The following TRIM5 variants were observed in gnomAD, a reference collection of about 807,000 sequenced individuals.
TRIM5 encodes the protein tripartite motif-containing protein 5.
TRIM5 carries 31 observed loss-of-function variants against 35.6 expected under a neutral mutation model. The ratio of observed to expected loss-of-function variants is 0.87; its 90% CI spans 0.65 to 1.18. The LOEUF (loss-of-function observed/expected upper bound fraction) is 1.18. TRIM5 is among the 50% of genes most tolerant of loss of function. TRIM5 has a pLI of 0.00. For synonymous variants in TRIM5, 243 were observed against 215.6 expected, an observed-to-expected ratio of 1.13 and a Z score of -1.11; for missense variants, 609 against 591.6, an observed-to-expected ratio of 1.03 and a Z score of -0.31.
the TRIM5 span, among the ~76,000 whole-genome samples, chr11:5,614,350 A>G: frequency 6.6e-6 from 1 of 152,226 alleles, no homozygotes; most frequent in Non-Finnish European, 1.5e-5. Flanking sequence ...GCTGGCAGAA[A>G]GGTGAAGAAA....
chr11:5,598,669 C>T, the TRIM5 span, among the ~76,000 whole-genome samples: 1 of 152,104 alleles, frequency 6.6e-6, no homozygotes, highest in African/African-American at 2.4e-5. Context: ...CTAAAGCAAC[C>T]CATTTCTGAG....
intron 4 of TRIM5, among the ~76,000 whole-genome samples, chr11:5,675,733 A>G (rs2134090073): frequency 6.8e-6 from 1 of 146,616 alleles, no homozygotes; most frequent in African/African-American, 2.5e-5. Flanking sequence ...TAAGTTTTAG[A>G]GTACATGTGC....
At chr11:5,605,193 G>C in the TRIM5 span, 2 of 1,093,276 alleles carry the variant, frequency 1.8e-6, no homozygotes, top group African/African-American at 3.1e-5. Flanking sequence ...AGGCTACAAA[G>C]GCTTTCTCCT....
chr11:5,634,545 A>G, the TRIM5 span: 2 of 948,818 alleles, frequency 2.1e-6, no homozygotes, highest in Non-Finnish European at 3.0e-6. Context: ...ATATATATAT[A>G]TATTTCCCTA....
the TRIM5 span, among the ~76,000 whole-genome samples, chr11:5,624,248 G>A: frequency 6.6e-6 from 1 of 152,124 alleles, no homozygotes. Flanking sequence ...TAATGTTACT[G>A]ATATATATGT....
In TRIM5 at chr11:5,665,237, G is replaced by C. The variant is rs375450398; in HGVS notation, c.1054C>G (p.Gln352Glu). The change falls in exon 8 of 8, where the codon CAA becomes GAA. Residue 352 changes from glutamine to glutamate, a missense_variant. By Grantham distance (29) the Gln-to-Glu change is conservative. Transcript: ENST00000380034. ...FNYCTGILGS[Q>E]SITSGKHYWE... ...TAATGTTTCCCTGATGTGATACTTT[G>C]AGAGCCCAGGATGCCAGTACAATAA... 2.5e-5 allele frequency: 41 copies of C among 1,614,022 alleles called. No homozygotes were observed. The highest frequency in any genetic ancestry group is 3.2e-5 in the Non-Finnish European group (38 of 1,180,044).
At chr11:5,608,559 A>ACTGG in the TRIM5 span, among the ~76,000 whole-genome samples, 1 of 152,082 alleles carries the variant, frequency 6.6e-6, no homozygotes, top group Non-Finnish European at 1.5e-5. Context: ...AAGGGGATGA[A>ACTGG]CTGGCCTCTC....
At chr11:5,589,438 T>C in the TRIM5 span, 4 of 152,136 alleles carry the variant, frequency 2.6e-5, no homozygotes, top group African/African-American at 9.7e-5. Context: ...GTTGTGGATG[T>C]TGACTTGTTT....
downstream of TRIM5, among the ~76,000 whole-genome samples, chr11:5,660,125 C>T (rs1850764306): frequency 6.6e-6 from 1 of 152,176 alleles, no homozygotes; most frequent in East Asian, 1.9e-4. Context: ...TACAGGCGCC[C>T]ACCACCATGC....
chr11:5,603,103 A>G, the TRIM5 span: 1 of 1,387,306 alleles, frequency 7.2e-7, no homozygotes. Context: ...ATGAGCCGGG[A>G]TAAAGAACGT....
the TRIM5 span, among the ~76,000 whole-genome samples, chr11:5,607,820 T>C: frequency 0.57 from 87,040 of 152,074 alleles, 26,285 homozygotes; most frequent in African/African-American, 0.78. Flanking sequence ...TGTGACATAT[T>C]TGCTGGTGTA....
the TRIM5 span, chr11:5,632,356 G>GTA: frequency 6.2e-7 from 1 of 1,614,056 alleles, no homozygotes; most frequent in African/African-American, 1.3e-5. Context: ...CTTGCTTAAC[G>GTA]TACAAGAGGA....
chr11:5,635,254 A>ATTT, the TRIM5 span, among the ~76,000 whole-genome samples: 92 of 128,320 alleles, frequency 7.2e-4, 2 homozygotes, highest in African/African-American at 2.4e-3. Context: ...TTCCCTGTTA[A>ATTT]TTTTTTTTTT....
In TRIM5 at chr11:5,665,204, C is replaced by G. The variant is rs746486829; in HGVS notation, c.1087G>C (p.Val363Leu). Residue 363 changes from valine to leucine, a missense_variant, in exon 8 of 8, where the codon GTA becomes CTA. By Grantham distance (32) the Val-to-Leu change is conservative. Transcript: ENST00000380034. ...SITSGKHYWE[V>L]DVSKKTAWIL... is the part of the protein sequence containing the mutation. ...CAAGCAGTTTTCTTGGACACGTCTACCTCCCAGTAATGTTTCCCTGATGTG... is the reference window on the plus strand; with the variant it reads ...CAAGCAGTTTTCTTGGACACGTCTAGCTCCCAGTAATGTTTCCCTGATGTG... The G allele has an allele frequency of 1.2e-6, 2 of 1,614,142 alleles. No homozygotes were observed. Among genetic ancestry groups the G allele is most frequent in the Non-Finnish European group, 1.7e-6 (2 of 1,180,016 alleles).
At chr11:5,615,398 G>T in the TRIM5 span, among the ~76,000 whole-genome samples, 2 of 152,076 alleles carry the variant, frequency 1.3e-5, no homozygotes, top group East Asian at 3.8e-4. Flanking sequence ...ATGAGATTTT[G>T]CTTTCTGATT....
the TRIM5 span, among the ~76,000 whole-genome samples, chr11:5,654,104 C>T: frequency 6.6e-6 from 1 of 152,000 alleles, no homozygotes. Flanking sequence ...TGTCTTGCAT[C>T]TCACTGAGTT....
the TRIM5 span, chr11:5,612,096 C>G: frequency 3.3e-5 from 5 of 152,134 alleles, no homozygotes; most frequent in Non-Finnish European, 5.9e-5. Context: ...TGAAATACAC[C>G]ATTATTATTT....
the TRIM5 span, among the ~76,000 whole-genome samples, chr11:5,605,956 C>G: frequency 7.2e-5 from 11 of 152,178 alleles, no homozygotes; most frequent in Non-Finnish European, 1.3e-4. Flanking sequence ...CTGGCCTCTG[C>G]TCACTAGATG....
chr11:5,608,469 G>C, the TRIM5 span: 1 of 1,597,028 alleles, frequency 6.3e-7, no homozygotes, highest in East Asian at 2.3e-5. Flanking sequence ...AGTGGGAAAG[G>C]GAAGAAGAAT....
Sources: gnomAD v4.1 joint callset for allele counts (sites outside exome capture counted in the v4.1 genomes callset) on GRCh38, gnomAD v4.1.1 for gene constraint, MANE v1.5 for transcripts, NCBI Gene and HGNC (gene_info 2026-07-23, HGNC 2026-07-21) for gene names.